ZNF765: variants seen among roughly 807,000 people sequenced by gnomAD.
ZNF765 encodes zinc finger protein 765.
A neutral mutation model predicts 44.7 loss-of-function variants in ZNF765; 37 were observed. The ratio of observed to expected loss-of-function variants is 0.83; its 90% CI spans 0.64 to 1.09. ZNF765 has a LOEUF of 1.09. Among genes scored for constraint, ZNF765 ranks in the 50% least tolerant of loss-of-function variants. The pLI, the probability that ZNF765 is intolerant of heterozygous loss-of-function variation, is 0.00. For missense variants in ZNF765, 594 were observed against 626.1 expected, an observed-to-expected ratio of 0.95 and a Z score of 0.55; for synonymous variants, 201 against 213.7, an observed-to-expected ratio of 0.94 and a Z score of 0.52.
chr19:53,414,973 T>C (rs1029178993), downstream of ZNF765, among the ~76,000 whole-genome samples: 1 of 152,164 alleles, frequency 6.6e-6, no homozygotes, highest in African/African-American at 2.4e-5. Context: ...GCAACTGTTA[T>C]GAAAACATCA....
At chr19:53,398,199 A>G (rs1179447472) in intron 2 of ZNF765, among the ~76,000 whole-genome samples, 169 bp downstream of exon 2, 2 of 152,164 alleles carry the variant, frequency 1.3e-5, no homozygotes, top group Non-Finnish European at 2.9e-5. Flanking sequence ...ATCTCCCATG[A>G]TCCAGTGACA....
intron 2 of ZNF765, among the ~76,000 whole-genome samples, chr19:53,400,552 C>T (rs1256714673): frequency 4.6e-5 from 7 of 151,978 alleles, no homozygotes; most frequent in Non-Finnish European, 1.0e-4. Flanking sequence ...TTCAACAAAA[C>T]TTGCTACTTT....
intron 1 of ZNF765, among the ~76,000 whole-genome samples, chr19:53,396,969 G>A (rs1476646326): frequency 6.6e-6 from 1 of 152,224 alleles, no homozygotes; most frequent in Non-Finnish European, 1.5e-5. Context: ...TTGATTGAAC[G>A]TTCTTAACAA....
chr19:53,417,097 C>T (rs1384920945), intron 3 of ZNF765, among the ~76,000 whole-genome samples: 1 of 152,140 alleles, frequency 6.6e-6, no homozygotes, highest in East Asian at 1.9e-4. Flanking sequence ...GGATTACAGA[C>T]GTGAGCCACT....
intron 2 of ZNF765, among the ~76,000 whole-genome samples, chr19:53,400,763 CATAT>C (rs35520888): frequency 2.8e-4 from 33 of 116,828 alleles, no homozygotes; most frequent in South Asian, 1.2e-3. Context: ...TATTTGTTGA[CATAT>C]ATATATATAT....
chr19:53,402,363 T>C (rs1358327087), intron 3 of ZNF765, among the ~76,000 whole-genome samples, 172 bp downstream of exon 3: 1 of 149,556 alleles, frequency 6.7e-6, no homozygotes, highest in Non-Finnish European at 1.5e-5. Context: ...TTCACGCCAT[T>C]CTCCTACTTC....
downstream of ZNF765, among the ~76,000 whole-genome samples, chr19:53,414,828 A>G (rs1305034749): frequency 2.6e-5 from 4 of 151,776 alleles, no homozygotes; most frequent in Admixed American, 2.6e-4. Flanking sequence ...ACATGGTGTG[A>G]TGTGTGCTCT....
intron 2 of ZNF765, among the ~76,000 whole-genome samples, chr19:53,400,139 C>G (rs1315524985): frequency 6.6e-6 from 1 of 152,082 alleles, no homozygotes; most frequent in Admixed American, 6.6e-5. Context: ...CTAGTCTTCT[C>G]CTTCCTCCCA....
At position 53,408,675 on chromosome 19, in the gene ZNF765, C is replaced by T; in HGVS notation, c.1120C>T (p.His374Tyr). Residue 374 changes from histidine to tyrosine, a missense_variant, in exon 4 of 4, where the codon CAT (histidine) becomes TAT (tyrosine). By Grantham distance (83) the His-to-Tyr change is moderately conservative. Transcript: ENST00000396408. ...FSRKSHFTCH[H>Y]RVHTGEKPYK... ...TCGGAAGTCACATTTTACATGCCAT[C>T]ATAGAGTTCATACTGGAGAGAAACC... 2 of 1,612,322 alleles carry T rather than the reference C, an allele frequency of 1.2e-6. No individual in the cohort carries two copies. The highest frequency in any genetic ancestry group is 1.7e-6 in the Non-Finnish European group (2 of 1,179,436).
downstream of ZNF765, among the ~76,000 whole-genome samples, chr19:53,416,690 CAATAT>C (rs1331408537): frequency 6.6e-6 from 1 of 151,250 alleles, no homozygotes; most frequent in African/African-American, 2.4e-5. Context: ...AACTATACAT[CAATAT>C]AATTAACTAT....
rs778543186 is a variant in ZNF765 at position 53,408,802 on chromosome 19, G to A, written c.1247G>A (p.Cys416Tyr). 1 of 1,614,194 alleles carries A rather than the reference G, an allele frequency of 6.2e-7. No homozygotes were observed. The highest frequency in any genetic ancestry group is 8.5e-7 in the Non-Finnish European group (1 of 1,180,036). Residue 416 changes from cysteine (C) to tyrosine (Y), a missense_variant, in exon 4 of 4, where the codon TGT becomes TAT. By Grantham distance (194) the Cys-to-Tyr change is radical (BLOSUM62 -2). Coordinates refer to ENST00000396408, the MANE Select transcript of ZNF765 (RefSeq NM_001040185.3). ...GAGAAACCTTACAAGTGTAATGAGTGTGGCAAGACCTTCAATCAGCAGTTA... is the reference window on the plus strand; with the variant it reads ...GAGAAACCTTACAAGTGTAATGAGTATGGCAAGACCTTCAATCAGCAGTTA... ...TEEKPYKCNE[C>Y]GKTFNQQLTL...
Position 53,410,585 on chromosome 19 carries a change from T to A in ZNF765, c.*1458T>A. On this transcript the variant is annotated 3_prime_UTR_variant, in exon 4 of 4. Transcript: ENST00000396408. ...CAGGCAATCCATGGTGTAGGGAAAC[T>A]TTACTTATGTAATGATTGTCACAAA... 2 of 449,126 alleles carry A rather than the reference T, an allele frequency of 4.5e-6. No homozygotes were observed. The highest frequency in any genetic ancestry group is 5.2e-5 in the Admixed American group (2 of 38,658). The allele number at this position is 449,126 out of a possible 1,614,324, so 27.8% of individuals were successfully genotyped here. A position where few individuals can be genotyped will look rare whatever the true frequency, so the allele number is the denominator to read the frequency against.
chr19:53,412,908 G>A (rs1003073434), downstream of ZNF765, among the ~76,000 whole-genome samples: 4 of 151,918 alleles, frequency 2.6e-5, no homozygotes, highest in African/African-American at 9.7e-5. Flanking sequence ...TCAGGAGTTC[G>A]AGAACAGGCT....
intron 3 of ZNF765, among the ~76,000 whole-genome samples, chr19:53,402,713 C>G (rs2046325396): frequency 6.6e-6 from 1 of 152,212 alleles, no homozygotes; most frequent in Non-Finnish European, 1.5e-5. Context: ...GTGCATGCCA[C>G]CATGTCGGGC....
chr19:53,400,758 G>A (rs556716183), intron 2 of ZNF765, among the ~76,000 whole-genome samples: 368 of 12,236 alleles, frequency 0.03, 2 homozygotes, highest in African/African-American at 0.1. Flanking sequence ...TTCATTATTT[G>A]TTGACATATA....
At position 53,409,768 on chromosome 19, in the gene ZNF765, T is replaced by C. The variant is rs1249132166; in HGVS notation, c.*641T>C. On this transcript the variant is annotated 3_prime_UTR_variant, in exon 4 of 4. Transcript: ENST00000396408. ...TTACATGCCATCATAGACTTCATACTGGAGAGATACCTTAAAAGTGTAGTG... is the reference window on the plus strand; with the variant it reads ...TTACATGCCATCATAGACTTCATACCGGAGAGATACCTTAAAAGTGTAGTG... 6 of 833,546 alleles carry C rather than the reference T, an allele frequency of 7.2e-6. No homozygotes were observed. The highest frequency in any genetic ancestry group is 3.5e-5 in the Admixed American group (2 of 56,602). The allele number at this position is 833,546 out of a possible 1,614,324, so 51.6% of individuals were successfully genotyped here.
chr19:53,409,517 G>A lies in ZNF765; in HGVS notation c.*390G>A, dbSNP rs12461238. 0.85 allele frequency: 909,045 copies of A among 1,074,016 alleles called. 386,514 individuals are homozygous for A. Among genetic ancestry groups the A allele is most frequent in the Admixed American group, 0.89 (52,123 of 58,552 alleles). The allele number at this position is 1,074,016 out of a possible 1,614,324, so 66.5% of individuals were successfully genotyped here. A position where few individuals can be genotyped will look rare whatever the true frequency, so the allele number is the denominator to read the frequency against. Reference sequence around the variant, plus strand: ...TCCCTTACATGCCATTGTAGACTTCGTACTGGAGAGAAACCTTACAAATGT... The same window carrying A: ...TCCCTTACATGCCATTGTAGACTTCATACTGGAGAGAAACCTTACAAATGT... On this transcript the variant is annotated 3_prime_UTR_variant, in exon 4 of 4. Transcript: ENST00000396408.
intron 3 of ZNF765, among the ~76,000 whole-genome samples, chr19:53,418,669 G>A (rs539487145): frequency 1.3e-5 from 2 of 150,722 alleles, no homozygotes; most frequent in South Asian, 4.2e-4. Context: ...GGCCAATGGT[G>A]GGGGGGGCGG....
intron 2 of ZNF765, among the ~76,000 whole-genome samples, chr19:53,399,658 G>A (rs1341930953): frequency 6.6e-6 from 1 of 150,804 alleles, no homozygotes; most frequent in Non-Finnish European, 1.5e-5. Context: ...CCCAGCCTGG[G>A]CACAGATCAA....
Sources: allele counts gnomAD v4.1 joint callset (sites outside exome capture counted in the v4.1 genomes callset), GRCh38; gene constraint gnomAD v4.1.1; transcripts MANE v1.5; gene names NCBI Gene and HGNC (gene_info 2026-07-23, HGNC 2026-07-21).